Variants in NHLRC2 observed in about 807,000 individuals in gnomAD.
NHLRC2 encodes the protein NHL repeat containing 2, also known as NHL repeat-containing protein 2.
NHLRC2 carries 33 observed loss-of-function variants against 68.1 expected under a neutral mutation model. The ratio of observed to expected loss-of-function variants is 0.48; its 90% CI spans 0.37 to 0.65. The LOEUF (loss-of-function observed/expected upper bound fraction) is 0.65. Ranked by LOEUF, NHLRC2 falls within the 30% of genes least tolerant of loss-of-function variation. The pLI is 0.00. For synonymous variants in NHLRC2, 311 were observed against 309.6 expected (o/e 1.00, Z -0.05); for missense variants, 761 against 853.8 (o/e 0.89, Z 1.35).
rs1846359495 is a variant in NHLRC2 at position 113,914,284 on chromosome 10, A to C, written c.*5748A>C. On this transcript the variant is annotated 3_prime_UTR_variant, in exon 11 of 11. Transcript: ENST00000369301. The stretch of plus-strand genomic sequence containing the variant: ...TGTGTTCAAGCAATTCTCCTGCCTC[A>C]GCCTCCTGAGTAGCTGGGATTACAG... 6.6e-6 allele frequency: 1 copy of C among 152,328 alleles called. No individual in the cohort carries two copies. The allele number at this position is 152,328 out of a possible 1,614,324, so 9.4% of individuals were successfully genotyped here.
intron 5 of NHLRC2, among the ~76,000 whole-genome samples, chr10:113,890,889 C>G (rs1484893923): frequency 6.6e-6 from 1 of 152,092 alleles, no homozygotes; most frequent in Admixed American, 6.6e-5. Flanking sequence ...GAAATCACAG[C>G]AGAAGATGAG....
chr10:113,894,021 C>G (rs1257246206), intron 5 of NHLRC2, among the ~76,000 whole-genome samples: 1 of 152,004 alleles, frequency 6.6e-6, no homozygotes, highest in East Asian at 1.9e-4. Context: ...TGCAGTAATC[C>G]CTGATAGTGG....
intron 2 of NHLRC2, among the ~76,000 whole-genome samples, chr10:113,865,158 C>G (rs749425750): frequency 4.0e-5 from 6 of 151,890 alleles, no homozygotes; most frequent in Non-Finnish European, 7.4e-5. Context: ...ACCGTGTTAG[C>G]CAGGATGGTC....
intron 1 of NHLRC2, among the ~76,000 whole-genome samples, chr10:113,856,059 T>C (rs141953787): frequency 1.4e-4 from 21 of 152,300 alleles, no homozygotes; most frequent in African/African-American, 5.1e-4. Flanking sequence ...ACTAATACTT[T>C]TAAAAATCGG....
chr10:113,893,564 G>GTTGGTA (rs1846151291), intron 5 of NHLRC2, among the ~76,000 whole-genome samples: 1 of 152,134 alleles, frequency 6.6e-6, no homozygotes, highest in Non-Finnish European at 1.5e-5. Context: ...ATCCTCATAA[G>GTTGGTA]TTGGTATGTA....
chr10:113,886,399 G>A (rs572964725), intron 5 of NHLRC2, among the ~76,000 whole-genome samples: 2 of 152,184 alleles, frequency 1.3e-5, no homozygotes, highest in South Asian at 4.1e-4. Flanking sequence ...CTTAAAATGT[G>A]TATGGAACTA....
At position 113,904,105 on chromosome 10, in the gene NHLRC2, T is replaced by G. The variant is rs576519139; in HGVS notation, c.1704+369T>G. ...ATTTAGCTTATTGTTTTTGTTTTTT[T>G]TTTTTTTTCAGTGATCTTTAGATTA... On this transcript the variant is annotated intron_variant, in intron 9 of 10. Transcript: ENST00000369301. Among the ~76,000 whole-genome samples, 438 of 151,394 alleles carry G rather than the reference T, an allele frequency of 2.9e-3. 4 individuals are homozygous for G. Among genetic ancestry groups the G allele is most frequent in the Non-Finnish European group, 2.4e-3 (163 of 67,786 alleles).
intron 5 of NHLRC2, 73 bp downstream of exon 5, chr10:113,884,453 G>A (rs1283425215): frequency 8.0e-7 from 1 of 1,256,170 alleles, no homozygotes; most frequent in Admixed American, 2.0e-5. Flanking sequence ...TTCTTGAGGT[G>A]GTCATTTGGA....
At position 113,878,957 on chromosome 10, in the gene NHLRC2, A is replaced by G. The variant is rs74880694; in HGVS notation, c.788-617A>G. On this transcript the variant is annotated intron_variant, in intron 3 of 10. Coordinates refer to ENST00000369301, the MANE Select transcript of NHLRC2 (RefSeq NM_198514.4). ...TGGCTTGTCTGCTGGCCATGGAAAT[A>G]ATAGTTACATTTTATTGTGTTATAT... Among the ~76,000 whole-genome samples, 414 of 152,332 alleles carry G rather than the reference A, an allele frequency of 2.7e-3. 2 individuals are homozygous for G. Among genetic ancestry groups the G allele is most frequent in the African/African-American group, 9.7e-3 (403 of 41,566 alleles).
chr10:113,856,413 A>G (rs778680094), intron 1 of NHLRC2, among the ~76,000 whole-genome samples: 1 of 152,202 alleles, frequency 6.6e-6, no homozygotes, highest in African/African-American at 2.4e-5. Context: ...TTTTCCTGCT[A>G]TTAATCTTAT....
At chr10:113,901,947 C>T (rs1846233363) in intron 7 of NHLRC2, 50 bp downstream of exon 7, 4 of 1,252,792 alleles carry the variant, frequency 3.2e-6, no homozygotes, top group Non-Finnish European at 4.6e-6. Flanking sequence ...AGCAAGCTGT[C>T]AATTTTGTGA....
chr10:113,904,787 G>A, intron 9 of NHLRC2, 30 bp from the exon 10 acceptor site: 2 of 1,506,914 alleles, frequency 1.3e-6, no homozygotes, highest in Non-Finnish European at 1.8e-6. Context: ...AAGTTCTTGT[G>A]TTTTAATAAC....
intron 2 of NHLRC2, among the ~76,000 whole-genome samples, chr10:113,872,966 A>G (rs2134702033): frequency 6.6e-6 from 1 of 152,278 alleles, no homozygotes; most frequent in Admixed American, 6.5e-5. Flanking sequence ...CCTACCAGGT[A>G]CCGGGGGTGA....
chr10:113,855,476 G>A, intron 1 of NHLRC2, among the ~76,000 whole-genome samples: 1 of 149,284 alleles, frequency 6.7e-6, no homozygotes, highest in South Asian at 2.1e-4. Flanking sequence ...GTTTTTTTTT[G>A]TTTTTTTTTG....
Position 113,905,664 on chromosome 10 carries a change from C to A in NHLRC2, c.1924+628C>A, listed in dbSNP as rs1312107136. Among the ~76,000 whole-genome samples, 5 of 152,082 alleles carry A rather than the reference C, an allele frequency of 3.3e-5. 1 individual carries two copies. Among genetic ancestry groups the A allele is most frequent in the Admixed American group, 2.0e-4 (3 of 15,262 alleles). On this transcript the variant is annotated intron_variant, in intron 10 of 10. Coordinates refer to ENST00000369301, the MANE Select transcript of NHLRC2 (RefSeq NM_198514.4). ...TCTGTCCTGGTCTCCCACGCTCTTTCACACTTTCTCACTCAATTTTCCATT... is the reference window on the plus strand; with the variant it reads ...TCTGTCCTGGTCTCCCACGCTCTTTAACACTTTCTCACTCAATTTTCCATT...
chr10:113,904,157 G>A (rs1225246104), intron 9 of NHLRC2, among the ~76,000 whole-genome samples: 2 of 143,734 alleles, frequency 1.4e-5, no homozygotes, highest in African/African-American at 5.1e-5. Flanking sequence ...TGCCTGTGAT[G>A]AATCCATTAC....
intron 2 of NHLRC2, among the ~76,000 whole-genome samples, chr10:113,864,680 A>G (rs1006866633): frequency 3.8e-5 from 5 of 131,524 alleles, no homozygotes; most frequent in African/African-American, 1.3e-4. Context: ...CTTTCGACAG[A>G]GCAAGACTCC....
chr10:113,870,390 A>G (rs1399070676), intron 2 of NHLRC2, among the ~76,000 whole-genome samples: 1 of 152,160 alleles, frequency 6.6e-6, no homozygotes, highest in East Asian at 1.9e-4. Flanking sequence ...AAAAGGTGAC[A>G]TACTGTAGAC....
At chr10:113,874,967 G>A (rs2134704522) in intron 2 of NHLRC2, among the ~76,000 whole-genome samples, 1 of 151,156 alleles carries the variant, frequency 6.6e-6, no homozygotes, top group South Asian at 2.1e-4. Flanking sequence ...TTTACCTCAT[G>A]GAGCATAGTT....
Sources: gnomAD v4.1 joint callset for allele counts (sites outside exome capture counted in the v4.1 genomes callset) on GRCh38, gnomAD v4.1.1 for gene constraint, MANE v1.5 for transcripts, NCBI Gene and HGNC (gene_info 2026-07-23, HGNC 2026-07-21) for gene names.